The following DYRK1A variants were observed in gnomAD, a reference collection of about 807,000 sequenced individuals.
DYRK1A encodes dual specificity tyrosine phosphorylation regulated kinase 1A.
DYRK1A carries 9 observed loss-of-function variants against 79.7 expected under a neutral mutation model. The ratio of observed to expected loss-of-function variants is 0.11; its 90% CI spans 0.07 to 0.20. DYRK1A has a LOEUF of 0.20. Ranked by LOEUF, DYRK1A falls within the 10% of genes least tolerant of loss-of-function variation. The pLI, the probability that DYRK1A is intolerant of heterozygous loss-of-function variation, is 1.00. For missense variants in DYRK1A, 622 were observed against 956.0 expected (o/e 0.65, Z 4.61); for synonymous variants, 349 against 329.7 (o/e 1.06, Z -0.63).
At chr21:37,500,660 C>G (rs959144731) in intron 9 of DYRK1A, among the ~76,000 whole-genome samples, 1 of 151,918 alleles carries the variant, frequency 6.6e-6, no homozygotes, top group African/African-American at 2.4e-5. Context: ...ATATGGTTAT[C>G]CAAATTTTTT....
chr21:37,494,988 C>A (rs1158680403), intron 8 of DYRK1A, among the ~76,000 whole-genome samples: 1 of 150,628 alleles, frequency 6.6e-6, no homozygotes, highest in African/African-American at 2.4e-5. Context: ...TATGTATTTG[C>A]TGTCTTCCCA....
chr21:37,501,571 A>AT (rs2148641076), intron 9 of DYRK1A: 1 of 152,184 alleles, frequency 6.6e-6, no homozygotes, highest in South Asian at 2.1e-4. Context: ...ATATTTGAGG[A>AT]TTTTCTAGAT....
chr21:37,384,332 TAAGCAGAAAA>T (rs2049717646), intron 1 of DYRK1A, among the ~76,000 whole-genome samples: 3 of 152,136 alleles, frequency 2.0e-5, no homozygotes, highest in Admixed American at 6.5e-5. Flanking sequence ...GGGGGAGCTG[TAAGCAGAAAA>T]AATCTCAGAG....
rs2053947747 is a variant in DYRK1A, at chr21:37,523,359, G to C, written c.*10828G>C. ...AATTTTCGTTTAGGCCCCTTTCTTT[G>C]TGAGAGGGGGCCCCAGGATTATGCC... On this transcript the variant is annotated 3_prime_UTR_variant, in exon 12 of 12. Transcript: ENST00000647188. The C allele has an allele frequency of 6.6e-6, 1 of 152,216 alleles. No homozygotes were observed. The highest frequency in any genetic ancestry group is 2.1e-4 in the South Asian group (1 of 4,834). The allele number at this position is 152,216 out of a possible 1,614,324, so 9.4% of individuals were successfully genotyped here.
intron 2 of DYRK1A, among the ~76,000 whole-genome samples, chr21:37,456,686 C>T (rs1426953213): frequency 1.3e-5 from 2 of 152,128 alleles, no homozygotes; most frequent in Non-Finnish European, 2.9e-5. Flanking sequence ...TGGAAAAGGG[C>T]GCGGGCCCAC....
intron 2 of DYRK1A, among the ~76,000 whole-genome samples, chr21:37,426,851 C>T (rs749614141): frequency 9.8e-5 from 14 of 142,438 alleles, no homozygotes; most frequent in East Asian, 4.1e-4. Flanking sequence ...ACCTGGGAGG[C>T]GGAGCTTGCA....
intron 1 of DYRK1A, among the ~76,000 whole-genome samples, chr21:37,403,671 GTGTGTGT>G: frequency 1.2e-5 from 1 of 86,656 alleles, no homozygotes. Context: ...ATATGTGTGT[GTGTGTGT>G]GTGTGTGTGT....
At chr21:37,442,085 C>A (rs2051124841) in intron 2 of DYRK1A, among the ~76,000 whole-genome samples, 1 of 150,892 alleles carries the variant, frequency 6.6e-6, no homozygotes. Context: ...TACAGAAAAT[C>A]TTCTTTATTC....
At chr21:37,489,744 G>A (rs2053012637) in intron 6 of DYRK1A, among the ~76,000 whole-genome samples, 1 of 152,100 alleles carries the variant, frequency 6.6e-6, no homozygotes, top group South Asian at 2.1e-4. Flanking sequence ...GCCAACTACA[G>A]CATTGTCACA....
At chr21:37,428,288 A>AGTT (rs977987908) in intron 2 of DYRK1A, among the ~76,000 whole-genome samples, 4 of 152,210 alleles carry the variant, frequency 2.6e-5, no homozygotes, top group Non-Finnish European at 5.9e-5. Context: ...GGGAGAACTA[A>AGTT]GTTTTATTTA....
At chr21:37,400,886 T>C (rs1000297234) in intron 1 of DYRK1A, among the ~76,000 whole-genome samples, 5 of 152,204 alleles carry the variant, frequency 3.3e-5, no homozygotes, top group African/African-American at 1.2e-4. Context: ...GGCTCACGCC[T>C]GTAATCCCAG....
In DYRK1A at chr21:37,519,779, T is replaced by G. The variant is rs570195479; in HGVS notation, c.*7248T>G. 7.1e-6 allele frequency: 1 copy of G among 141,108 alleles called. No individual in the cohort carries two copies. The highest frequency in any genetic ancestry group is 7.3e-5 in the Admixed American group (1 of 13,766). The allele number at this position is 141,108 out of a possible 1,614,324, so 8.7% of individuals were successfully genotyped here. A position where few individuals can be genotyped will look rare whatever the true frequency, so the allele number is the denominator to read the frequency against. On this transcript the variant is annotated 3_prime_UTR_variant, in exon 12 of 12. Transcript: ENST00000647188. The stretch of plus-strand genomic sequence containing the variant: ...TTTTTTGAGGCGGAGTCTCGCTCTG[T>G]CGCCCAGGCTGGAGTGCAGTGGCGC...
chr21:37,409,405 C>T (rs1012538063), intron 1 of DYRK1A, among the ~76,000 whole-genome samples: 14 of 152,204 alleles, frequency 9.2e-5, no homozygotes, highest in African/African-American at 2.6e-4. Flanking sequence ...GATTCAGCAA[C>T]GCTAAGCACT....
At chr21:37,437,694 G>GT (rs1287057118) in intron 2 of DYRK1A, among the ~76,000 whole-genome samples, 1 of 152,138 alleles carries the variant, frequency 6.6e-6, no homozygotes, top group Non-Finnish European at 1.5e-5. Flanking sequence ...GTAGTTCACT[G>GT]TTTTTATTGC....
intron 11 of DYRK1A, among the ~76,000 whole-genome samples, chr21:37,510,731 C>T (rs992645102): frequency 6.6e-6 from 1 of 151,920 alleles, no homozygotes; most frequent in East Asian, 1.9e-4. Context: ...TTCCACCTTG[C>T]CCTAGGGCCT....
chr21:37,458,889 C>G (rs2051747842), intron 2 of DYRK1A, among the ~76,000 whole-genome samples: 1 of 152,140 alleles, frequency 6.6e-6, no homozygotes, highest in Admixed American at 6.5e-5. Flanking sequence ...CCTACAGATG[C>G]CTCTGACCTG....
chr21:37,405,845 A>G (rs961641228), intron 1 of DYRK1A, among the ~76,000 whole-genome samples: 9 of 152,166 alleles, frequency 5.9e-5, no homozygotes, highest in African/African-American at 1.9e-4. Context: ...GCCTCACTCT[A>G]CATCTTCAGT....
rs944102531 is a variant in DYRK1A, at chr21:37,492,911, AG to A, written c.925-104del. On this transcript the variant is annotated intron_variant, in intron 7 of 11. Transcript: ENST00000647188. ...AAGTTAATCAATGGAACCCTAATTC[AG>A]GAATTAGCCAATTCTTTTCTGTTAA... 2.6e-5 allele frequency: 23 copies of A among 891,748 alleles called. No individual in the cohort carries two copies. The African/African-American group carries it at 3.1e-4, about 12-fold the overall frequency. 55.2% of individuals were successfully genotyped at this position (891,748 alleles called of 1,614,324 possible).
At chr21:37,424,474 T>A (rs2050563825) in intron 2 of DYRK1A, among the ~76,000 whole-genome samples, 1 of 151,350 alleles carries the variant, frequency 6.6e-6, no homozygotes, top group Non-Finnish European at 1.5e-5. Flanking sequence ...GCCATTTTTT[T>A]AACTAATTGA....
Sources: gnomAD v4.1 joint callset for allele counts (sites outside exome capture counted in the v4.1 genomes callset) on GRCh38, gnomAD v4.1.1 for gene constraint, MANE v1.5 for transcripts, NCBI Gene and HGNC (gene_info 2026-07-23, HGNC 2026-07-21) for gene names.